The following HYDIN variants were observed in gnomAD, a reference collection of about 807,000 sequenced individuals.
The protein encoded by HYDIN is HYDIN axonemal central pair apparatus protein.
In HYDIN, 132 loss-of-function variants were observed where a neutral mutation model predicts 403.9. The observed-to-expected ratio is 0.33, with a 90% CI of 0.28 to 0.38. The LOEUF is 0.38. HYDIN is among the 10% of genes least tolerant of loss of function. The probability of loss-of-function intolerance (pLI) is 1.00; values close to 1 mark genes in which losing one functional copy is unlikely to be tolerated. For synonymous variants in HYDIN, 1,202 were observed against 1,891.7 expected (o/e 0.64, Z 9.46); for missense variants, 2,827 against 5,009.5 (o/e 0.56, Z 13.15).
intron 41 of HYDIN, among the ~76,000 whole-genome samples, chr16:70,944,751 ATTTAT>A (rs2077796827): frequency 6.6e-6 from 1 of 152,228 alleles, no homozygotes; most frequent in South Asian, 2.1e-4. Flanking sequence ...TTATATTTAT[ATTTAT>A]TTTATTATAT....
chr16:71,049,907 G>T (rs1196608645), intron 18 of HYDIN, among the ~76,000 whole-genome samples: 1 of 143,444 alleles, frequency 7.0e-6, no homozygotes, highest in Non-Finnish European at 1.5e-5. Context: ...ATACTGAAGA[G>T]GCAACAGAGA....
intron 10 of HYDIN, among the ~76,000 whole-genome samples, chr16:71,109,517 A>T (rs1395874928): frequency 2.3e-5 from 3 of 131,222 alleles, no homozygotes; most frequent in African/African-American, 4.2e-5. Context: ...GTGACCTAAG[A>T]CCAAGAGGTT....
At chr16:71,181,795 CAAAGCCAAAAA>C in intron 3 of HYDIN, among the ~76,000 whole-genome samples, 1 of 151,818 alleles carries the variant, frequency 6.6e-6, no homozygotes, top group Non-Finnish European at 1.5e-5. Flanking sequence ...ACATAGTGAA[CAAAGCCAAAAA>C]AAGCCCTAAC....
chr16:71,011,343 T>C (rs1255249476), intron 23 of HYDIN, among the ~76,000 whole-genome samples: 1 of 152,170 alleles, frequency 6.6e-6, no homozygotes, highest in Admixed American at 6.5e-5. Flanking sequence ...AGCGCTTGGA[T>C]TCTAACCAGC....
intron 5 of HYDIN, among the ~76,000 whole-genome samples, chr16:71,165,604 T>C (rs2086187178): frequency 6.6e-6 from 1 of 151,782 alleles, no homozygotes; most frequent in African/African-American, 2.4e-5. Flanking sequence ...CAGAGCCTAG[T>C]ATCTAGCAAC....
intron 1 of HYDIN, among the ~76,000 whole-genome samples, chr16:71,207,854 A>G (rs530250716): frequency 6.6e-6 from 1 of 152,360 alleles, no homozygotes; most frequent in African/African-American, 2.4e-5. Flanking sequence ...GAAAGGTTTA[A>G]TTTAACAAGA....
chr16:70,833,086 G>T lies in HYDIN; in HGVS notation c.13680-19C>A. 3 of 1,598,028 alleles carry T rather than the reference G, an allele frequency of 1.9e-6. No individual in the cohort carries two copies. The African/African-American group carries it at 4.0e-5, about 22-fold the overall frequency. ...TTTAAACCTTTTCCAAGAAAAAGAA[G>T]AAAAGAAAGAGAGTTTATGGATGTT... is the stretch of plus-strand genomic sequence containing the variant. On this transcript the variant is annotated intron_variant, in intron 79 of 85. Coordinates refer to ENST00000393567, the MANE Select transcript of HYDIN (RefSeq NM_001270974.2).
chr16:70,881,989 T>C (rs1467949297), intron 60 of HYDIN, among the ~76,000 whole-genome samples: 2 of 152,246 alleles, frequency 1.3e-5, no homozygotes, highest in Admixed American at 6.5e-5. Flanking sequence ...AAAAGTATGA[T>C]CTGACTCAGA....
intron 62 of HYDIN, among the ~76,000 whole-genome samples, chr16:70,875,917 T>C (rs1413164563): frequency 4.6e-5 from 7 of 152,202 alleles, no homozygotes; most frequent in East Asian, 1.9e-4. Flanking sequence ...TGCTAAAACA[T>C]ATTATAAAGC....
intron 41 of HYDIN, among the ~76,000 whole-genome samples, chr16:70,944,656 G>A (rs1305296743): frequency 6.6e-6 from 1 of 152,184 alleles, no homozygotes; most frequent in Non-Finnish European, 1.5e-5. Flanking sequence ...GAATACGCAG[G>A]GCCTTGTAGC....
At chr16:71,120,748 C>A (rs892945520) in intron 9 of HYDIN, among the ~76,000 whole-genome samples, 1 of 151,380 alleles carries the variant, frequency 6.6e-6, no homozygotes, top group African/African-American at 2.4e-5. Flanking sequence ...ATCTTGCCCC[C>A]CTCCCAAAAA....
At chr16:70,922,107 G>T (rs1044989957) in intron 45 of HYDIN, among the ~76,000 whole-genome samples, 2 of 152,150 alleles carry the variant, frequency 1.3e-5, no homozygotes, top group Non-Finnish European at 2.9e-5. Flanking sequence ...CCAGCATCAG[G>T]CTTGGAGACA....
intron 19 of HYDIN, among the ~76,000 whole-genome samples, chr16:71,030,966 C>T (rs991596508): frequency 7.3e-5 from 11 of 151,524 alleles, no homozygotes; most frequent in Non-Finnish European, 1.3e-4. Context: ...TTTGGGAGGC[C>T]GAGGCAGGTG....
At chr16:70,945,399 A>C (rs1179175634) in intron 41 of HYDIN, among the ~76,000 whole-genome samples, 1 of 152,220 alleles carries the variant, frequency 6.6e-6, no homozygotes, top group African/African-American at 2.4e-5. Context: ...TTTGGATATA[A>C]ACATTTTGAG....
At chr16:70,816,060 G>A (rs1190115973) in intron 84 of HYDIN, among the ~76,000 whole-genome samples, 1 of 152,104 alleles carries the variant, frequency 6.6e-6, no homozygotes, top group Non-Finnish European at 1.5e-5. Flanking sequence ...AGTGAGCTGA[G>A]ATTGCGCCAC....
chr16:71,230,388 G>GT (rs1198876870), intron 1 of HYDIN, among the ~76,000 whole-genome samples, 174 bp downstream of exon 1: 1 of 152,154 alleles, frequency 6.6e-6, no homozygotes, highest in Non-Finnish European at 1.5e-5. Context: ...CCGAGGTCCC[G>GT]TAACTTTCAT....
rs1377365678 is a variant in HYDIN, at chr16:70,997,983, T to C, written c.3645-5773A>G. Among the ~76,000 whole-genome samples the C allele has an allele frequency of 2.0e-5, 3 of 151,936 alleles. No individual in the cohort carries two copies. In the East Asian group the frequency reaches 5.8e-4, roughly 29 times the overall value. ...TCCCATCAACAGATGGAGTCTATTT[T>C]CTTCAGGCCTTGCATCTGGGCTTGG... On this transcript the variant is annotated intron_variant, in intron 23 of 85. Transcript: ENST00000393567.
intron 3 of HYDIN, among the ~76,000 whole-genome samples, chr16:71,181,408 T>G (rs1555502700): frequency 6.6e-6 from 1 of 152,078 alleles, no homozygotes; most frequent in Non-Finnish European, 1.5e-5. Context: ...GCACAAGATT[T>G]ATCAGAAAAA....
rs750547359 is a variant in HYDIN at position 71,175,750 on chromosome 16, A to T, written c.382-9T>A. On this transcript the variant is annotated splice_polypyrimidine_tract_variant and intron_variant, in intron 4 of 85. Transcript: ENST00000393567. Reference sequence around the variant, plus strand: ...TTCACCAACCTTGGAATCTGCAGGGAAACACATGATGATGAACATCGTGCA... The same window carrying T: ...TTCACCAACCTTGGAATCTGCAGGGTAACACATGATGATGAACATCGTGCA... 1 of 1,614,026 alleles carries T rather than the reference A, an allele frequency of 6.2e-7. No homozygotes were observed. The highest frequency in any genetic ancestry group is 8.5e-7 in the Non-Finnish European group (1 of 1,179,906).
Sources: allele counts gnomAD v4.1 joint callset (sites outside exome capture counted in the v4.1 genomes callset), GRCh38; gene constraint gnomAD v4.1.1; transcripts MANE v1.5; gene names NCBI Gene and HGNC (gene_info 2026-07-23, HGNC 2026-07-21).